The following RFC3 variants were observed in gnomAD, a reference collection of about 807,000 sequenced individuals.
The protein encoded by RFC3 is A1 38 kDa subunit.
A neutral mutation model predicts 45.1 loss-of-function variants in RFC3; 41 were observed. That is an observed-to-expected ratio of 0.91 (90% CI 0.71 to 1.18). RFC3 has a LOEUF of 1.18. Among genes scored for constraint, RFC3 ranks in the 50% most tolerant of loss-of-function variants. The pLI, the probability that RFC3 is intolerant of heterozygous loss-of-function variation, is 0.00. For missense variants in RFC3, 423 were observed against 428.1 expected (o/e 0.99, Z 0.10); for synonymous variants, 149 against 144.0 (o/e 1.03, Z -0.25).
chr13:33,936,086 G>A (rs1239256210), intron 8 of RFC3, among the ~76,000 whole-genome samples: 2 of 152,134 alleles, frequency 1.3e-5, no homozygotes, highest in African/African-American at 4.8e-5. Flanking sequence ...ACGGGTTGGG[G>A]TGACTGCAGG....
At chr13:33,930,047 A>G (rs544342597) in intron 8 of RFC3, among the ~76,000 whole-genome samples, 1 of 152,252 alleles carries the variant, frequency 6.6e-6, no homozygotes, top group East Asian at 1.9e-4. Context: ...TTTAATAAAT[A>G]CTGAATTGTA....
chr13:33,827,062 C>T (rs1369350585), intron 4 of RFC3, among the ~76,000 whole-genome samples: 1 of 152,146 alleles, frequency 6.6e-6, no homozygotes, highest in Non-Finnish European at 1.5e-5. Flanking sequence ...CTTTTTCATC[C>T]ATGAATATGC....
At chr13:33,938,222 A>C (rs1202072150) in intron 8 of RFC3, among the ~76,000 whole-genome samples, 1 of 151,124 alleles carries the variant, frequency 6.6e-6, no homozygotes. Context: ...AGAGTTGAAA[A>C]TGAAAATGAC....
chr13:33,925,845 A>T (rs1218956308), intron 8 of RFC3, among the ~76,000 whole-genome samples: 1 of 152,004 alleles, frequency 6.6e-6, no homozygotes. Flanking sequence ...CTGAAGTGAC[A>T]TGAGACTGCA....
intron 8 of RFC3, among the ~76,000 whole-genome samples, chr13:33,866,210 T>C (rs764941765): frequency 6.6e-6 from 1 of 152,186 alleles, no homozygotes; most frequent in Admixed American, 6.5e-5. Flanking sequence ...TTCACAAATA[T>C]ATTGTTGAGG....
chr13:33,874,627 G>A (rs2082434047), intron 8 of RFC3, among the ~76,000 whole-genome samples: 1 of 152,082 alleles, frequency 6.6e-6, no homozygotes, highest in African/African-American at 2.4e-5. Context: ...CCACTAGCTG[G>A]GTGCTTCCTC....
chr13:33,927,737 G>A (rs1048259694), intron 8 of RFC3, among the ~76,000 whole-genome samples: 2 of 152,104 alleles, frequency 1.3e-5, no homozygotes, highest in Non-Finnish European at 1.5e-5. Context: ...TTCAGAAGGG[G>A]CTGAGGGTGA....
At chr13:33,921,928 C>G (rs1301179196) in intron 8 of RFC3, among the ~76,000 whole-genome samples, 1 of 152,106 alleles carries the variant, frequency 6.6e-6, no homozygotes, top group East Asian at 1.9e-4. Context: ...GGAGTCCAGT[C>G]AGAGAAATCT....
intron 8 of RFC3, among the ~76,000 whole-genome samples, chr13:33,923,895 G>T (rs141666889): frequency 0.024 from 3,704 of 152,242 alleles, 68 homozygotes; most frequent in Middle Eastern, 0.034. Context: ...GAAAAGTAGA[G>T]AAAGTCACTT....
rs1434597989 is a variant in RFC3 at position 33,917,885 on chromosome 13, A to T, written c.880-48202A>T. On this transcript the variant is annotated intron_variant, in intron 8 of 8. Coordinates refer to the RFC3 transcript ENST00000434425. Reference sequence around the variant, plus strand: ...AAAAACAAACAAACAGGAAACCTTCACTTGTTGGGGCAGCCAGTAAGGGGG... The same window carrying T: ...AAAAACAAACAAACAGGAAACCTTCTCTTGTTGGGGCAGCCAGTAAGGGGG... Among the ~76,000 whole-genome samples, 14 of 152,192 alleles carry T rather than the reference A, an allele frequency of 9.2e-5. No individual in the cohort carries two copies. The East Asian group carries it at 2.5e-3, about 27-fold the overall frequency.
intron 8 of RFC3, among the ~76,000 whole-genome samples, chr13:33,897,273 C>T (rs1387302646): frequency 6.8e-6 from 1 of 147,556 alleles, no homozygotes; most frequent in Admixed American, 6.6e-5. Context: ...AATGAAGTTA[C>T]ATTGTAGATT....
At chr13:33,829,803 A>G (rs369364314) in intron 4 of RFC3, 33 bp from the exon 5 acceptor site, 67 of 1,572,630 alleles carry the variant, frequency 4.3e-5, no homozygotes, top group Non-Finnish European at 5.8e-5. Flanking sequence ...AGTGAACTCA[A>G]GTTAAAGTTT....
At chr13:33,898,540 C>A (rs1299828645) in intron 8 of RFC3, among the ~76,000 whole-genome samples, 2 of 151,680 alleles carry the variant, frequency 1.3e-5, no homozygotes, top group African/African-American at 4.8e-5. Flanking sequence ...GCAATTTATA[C>A]CTATATCAAT....
In RFC3 at chr13:33,899,567, A is replaced by G. The variant is rs180684336; in HGVS notation, c.879+64350A>G. 1.2e-4 allele frequency among the ~76,000 whole-genome samples: 18 copies of G among 152,002 alleles called. No individual in the cohort carries two copies. In the East Asian group the frequency reaches 3.3e-3, roughly 28 times the overall value. ...AAGCCTGTATATGACAAACCCACAG[A>G]TAACATTTTACTGAATGCAAAAAAT... On this transcript the variant is annotated intron_variant, in intron 8 of 8. Coordinates refer to the RFC3 transcript ENST00000434425.
At chr13:33,907,713 C>T (rs1352918626) in intron 8 of RFC3, among the ~76,000 whole-genome samples, 1 of 152,032 alleles carries the variant, frequency 6.6e-6, no homozygotes, top group Admixed American at 6.6e-5. Flanking sequence ...TTGGCTGTCT[C>T]TAAAGACCAC....
chr13:33,909,972 C>T (rs2082694361), intron 8 of RFC3, among the ~76,000 whole-genome samples: 1 of 152,030 alleles, frequency 6.6e-6, no homozygotes, highest in African/African-American at 2.4e-5. Context: ...CAGCAAAGGA[C>T]ATAAAAATTG....
downstream of RFC3, among the ~76,000 whole-genome samples, chr13:33,838,122 A>G (rs949139585): frequency 2.6e-5 from 4 of 152,086 alleles, no homozygotes; most frequent in Non-Finnish European, 5.9e-5. Context: ...TTGGACTTCA[A>G]GCATTTTGAA....
chr13:33,878,396 C>T (rs1010400684), intron 8 of RFC3, among the ~76,000 whole-genome samples: 33 of 152,050 alleles, frequency 2.2e-4, no homozygotes, highest in African/African-American at 7.7e-4. Flanking sequence ...ATGTGAAGTG[C>T]GTGTACCTTA....
In RFC3 at chr13:33,836,851, A is replaced by G. The variant is rs1222569599; in HGVS notation, c.*556A>G. The G allele has an allele frequency of 3.0e-6, 3 of 985,464 alleles. No homozygotes were observed. In the East Asian group the frequency reaches 3.4e-4, roughly 112 times the overall value. The allele number at this position is 985,464 out of a possible 1,614,324, so 61.0% of individuals were successfully genotyped here. ...TCCAACTTTTATTTCAGTGGTTCAGATTAGTATTAGGTCGGTACTAAGAAA... is the reference window on the plus strand; with the variant it reads ...TCCAACTTTTATTTCAGTGGTTCAGGTTAGTATTAGGTCGGTACTAAGAAA... On this transcript the variant is annotated 3_prime_UTR_variant, in exon 9 of 9. Transcript: ENST00000380071.
Sources: allele counts gnomAD v4.1 joint callset (sites outside exome capture counted in the v4.1 genomes callset), GRCh38; gene constraint gnomAD v4.1.1; transcripts MANE v1.5; gene names NCBI Gene and HGNC (gene_info 2026-07-23, HGNC 2026-07-21).